Variants in HDAC9 observed in about 807,000 individuals in gnomAD.
The protein encoded by HDAC9 is MEF-2 interacting transcription repressor (MITR) protein.
HDAC9 carries 41 observed loss-of-function variants against 139.4 expected under a neutral mutation model. That is an observed-to-expected ratio of 0.29 (90% CI 0.23 to 0.38). The LOEUF (loss-of-function observed/expected upper bound fraction) is 0.38, where lower values mean the gene tolerates loss of function less well. HDAC9 is among the 10% of genes least tolerant of loss of function. HDAC9 has a pLI of 1.00. For synonymous variants in HDAC9, 517 were observed against 476.2 expected, an observed-to-expected ratio of 1.09 and a Z score of -1.12; for missense variants, 1,147 against 1,297.0, an observed-to-expected ratio of 0.88 and a Z score of 1.78.
intron 2 of HDAC9, among the ~76,000 whole-genome samples, chr7:18,276,350 C>A (rs1366788883): frequency 6.6e-6 from 1 of 152,076 alleles, no homozygotes; most frequent in Non-Finnish European, 1.5e-5. Context: ...TTTATAATAC[C>A]CTTTAAACTC....
At chr7:18,873,914 T>G (rs922186650) in intron 21 of HDAC9, among the ~76,000 whole-genome samples, 1 of 152,142 alleles carries the variant, frequency 6.6e-6, no homozygotes, top group Admixed American at 6.6e-5. Context: ...TTGGACTCAC[T>G]TAACATTGTA....
intron 12 of HDAC9, among the ~76,000 whole-genome samples, chr7:18,694,663 G>A (rs1377463227): frequency 2.0e-5 from 3 of 152,084 alleles, no homozygotes; most frequent in African/African-American, 7.2e-5. Context: ...CGTGGAGCAG[G>A]ACTCTTCTGG....
intron 17 of HDAC9, among the ~76,000 whole-genome samples, chr7:18,820,914 T>G (rs1794917341): frequency 6.6e-6 from 1 of 152,232 alleles, no homozygotes; most frequent in Admixed American, 6.5e-5. Flanking sequence ...TTAGTCCATT[T>G]GTACTGCTGT....
intron 1 of HDAC9, among the ~76,000 whole-genome samples, chr7:18,485,304 C>T (rs1795892317): frequency 6.6e-6 from 1 of 152,042 alleles, no homozygotes; most frequent in Non-Finnish European, 1.5e-5. Context: ...GCATATTCCA[C>T]CACCTTCTTG....
chr7:18,509,003 A>G (rs1430700323), intron 2 of HDAC9, among the ~76,000 whole-genome samples: 1 of 152,230 alleles, frequency 6.6e-6, no homozygotes, highest in Non-Finnish European at 1.5e-5. Context: ...TGTTACAAAA[A>G]AATAGTTGTA....
chr7:18,299,134 G>T (rs901047235), intron 1 of HDAC9, among the ~76,000 whole-genome samples: 2 of 151,554 alleles, frequency 1.3e-5, no homozygotes, highest in South Asian at 4.2e-4. Flanking sequence ...TTGTAAAGTG[G>T]TACATTTAAT....
intron 17 of HDAC9, among the ~76,000 whole-genome samples, chr7:18,794,519 A>G (rs1792611463): frequency 6.6e-6 from 1 of 152,228 alleles, no homozygotes; most frequent in Admixed American, 6.5e-5. Flanking sequence ...GGTGAGCTCT[A>G]TTTAAAAAGT....
chr7:18,508,631 A>G (rs77910783), intron 2 of HDAC9, among the ~76,000 whole-genome samples: 1 of 830 alleles, frequency 1.2e-3, no homozygotes, highest in Non-Finnish European at 1.7e-3. Flanking sequence ...ATTGTGCTTA[A>G]CATTTCTTAC....
At chr7:18,177,570 G>C (rs368538666) in intron 2 of HDAC9, among the ~76,000 whole-genome samples, 1 of 152,060 alleles carries the variant, frequency 6.6e-6, no homozygotes, top group Non-Finnish European at 1.5e-5. Flanking sequence ...GGAGTGTCCT[G>C]TTTACTTATC....
chr7:18,363,447 GAAA>G (rs1014582404), intron 1 of HDAC9, among the ~76,000 whole-genome samples: 7 of 151,968 alleles, frequency 4.6e-5, no homozygotes, highest in African/African-American at 1.7e-4. Flanking sequence ...GATTCGCAAA[GAAA>G]AAAATAAATT....
chr7:18,422,773 C>T (rs1281450154), intron 1 of HDAC9, among the ~76,000 whole-genome samples: 1 of 151,800 alleles, frequency 6.6e-6, no homozygotes. Context: ...CACACACACA[C>T]ACACACAGCC....
At chr7:18,878,257 C>G (rs1799470047) in intron 22 of HDAC9, among the ~76,000 whole-genome samples, 1 of 152,076 alleles carries the variant, frequency 6.6e-6, no homozygotes. Context: ...TCTTCCCTTT[C>G]AACACATACA....
chr7:18,189,259 C>T (rs67956034), intron 2 of HDAC9, among the ~76,000 whole-genome samples: 30,294 of 151,370 alleles, frequency 0.2, 3,232 homozygotes, highest in South Asian at 0.34. Context: ...AACCAAACAC[C>T]GCATGTTCTC....
intron 2 of HDAC9, among the ~76,000 whole-genome samples, chr7:18,566,186 T>TA (rs1302133229): frequency 3.9e-5 from 6 of 152,246 alleles, no homozygotes; most frequent in Non-Finnish European, 2.9e-5. Flanking sequence ...TGCTATTTAT[T>TA]ATGGAAAGTT....
intron 2 of HDAC9, among the ~76,000 whole-genome samples, chr7:18,192,258 G>T (rs1790401694): frequency 6.6e-6 from 1 of 152,120 alleles, no homozygotes; most frequent in Non-Finnish European, 1.5e-5. Context: ...GCAACTTCTT[G>T]GTAGTGTCTT....
At chr7:18,645,413 GC>G (rs1469048746) in intron 9 of HDAC9, among the ~76,000 whole-genome samples, 8 of 152,090 alleles carry the variant, frequency 5.3e-5, no homozygotes, top group Non-Finnish European at 1.2e-4. Context: ...ACTGAAATAG[GC>G]TCTTTCGGGA....
intron 1 of HDAC9, among the ~76,000 whole-genome samples, chr7:18,126,792 A>C (rs1020279752): frequency 2.0e-5 from 3 of 152,146 alleles, no homozygotes; most frequent in African/African-American, 7.2e-5. Flanking sequence ...ATTTTCCCCA[A>C]ATCAAACTGT....
chr7:18,126,908 T>G (rs1351397098), intron 1 of HDAC9, among the ~76,000 whole-genome samples: 1 of 152,170 alleles, frequency 6.6e-6, no homozygotes, highest in Non-Finnish European at 1.5e-5. Context: ...TTAAAATTAG[T>G]AATCTGCATG....
chr7:18,380,312 T>C (rs994982708), intron 1 of HDAC9, among the ~76,000 whole-genome samples: 1 of 152,192 alleles, frequency 6.6e-6, no homozygotes, highest in South Asian at 2.1e-4. Flanking sequence ...AAAAGGACTT[T>C]TTAAAATAAT....
Sources: allele counts gnomAD v4.1 joint callset (sites outside exome capture counted in the v4.1 genomes callset), GRCh38; gene constraint gnomAD v4.1.1; transcripts MANE v1.5; gene names NCBI Gene and HGNC (gene_info 2026-07-23, HGNC 2026-07-21).